DMD: variants seen among roughly 807,000 people sequenced by gnomAD.
The protein encoded by DMD is mutant dystrophin.
Under a neutral mutation model 330.1 loss-of-function variants are expected in DMD, and 63 were observed. The ratio of observed to expected loss-of-function variants is 0.19; its 90% CI spans 0.16 to 0.24. The LOEUF (loss-of-function observed/expected upper bound fraction) is 0.24. Ranked by LOEUF, DMD falls within the 10% of genes least tolerant of loss-of-function variation. The pLI, the probability that DMD is intolerant of heterozygous loss-of-function variation, is 1.00. For missense variants in DMD, 3,344 were observed against 2,684.1 expected (o/e 1.25, Z -5.43); for synonymous variants, 1,223 against 959.8 (o/e 1.27, Z -5.07).
At chrX:33,148,649 A>G (rs954499038) in intron 1 of DMD, among the ~76,000 whole-genome samples, 10 of 112,132 alleles carry the variant, frequency 8.9e-5, no homozygotes, top group African/African-American at 3.2e-4. Context: ...GGACAAAAAC[A>G]CTATGAATAA....
chrX:32,596,343 A>G (rs1175504236), intron 12 of DMD, among the ~76,000 whole-genome samples: 6 of 109,824 alleles, frequency 5.5e-5, no homozygotes, highest in Non-Finnish European at 9.5e-5. Flanking sequence ...CTGTGCCTAC[A>G]TATTTATCCT....
intron 41 of DMD, among the ~76,000 whole-genome samples, chrX:32,336,046 ATATATAACGTTATATATAACGTG>A (rs2097712643): frequency 2.7e-5 from 1 of 36,594 alleles, no homozygotes; most frequent in Admixed American, 4.3e-4. Flanking sequence ...TATAACGTGT[ATATATAACGTTATATATAACGTG>A]TGTATAACAT....
intron 55 of DMD, among the ~76,000 whole-genome samples, chrX:31,525,949 T>C (rs1315757422): frequency 8.9e-6 from 1 of 112,287 alleles, no homozygotes; most frequent in African/African-American, 3.2e-5. Flanking sequence ...TCAGTAGAAC[T>C]GTTTGCTTAC....
chrX:32,191,749 C>T (rs2147604232), intron 44 of DMD, among the ~76,000 whole-genome samples: 1 of 111,970 alleles, frequency 8.9e-6, no homozygotes, highest in Admixed American at 9.5e-5. Context: ...CTCTAGATTA[C>T]TTATAATACT....
chrX:32,866,802 C>T (rs1475900712), intron 2 of DMD, among the ~76,000 whole-genome samples: 1 of 107,081 alleles, frequency 9.3e-6, no homozygotes, highest in African/African-American at 3.4e-5. Context: ...GGTGTGGTCT[C>T]AGCTCACTGC....
intron 55 of DMD, among the ~76,000 whole-genome samples, chrX:31,531,703 G>T (rs754346444): frequency 2.8e-5 from 3 of 109,089 alleles, no homozygotes; most frequent in Admixed American, 1.0e-4. Flanking sequence ...TGTCAATTTT[G>T]GCTTTTGTTG....
intron 8 of DMD, among the ~76,000 whole-genome samples, chrX:32,698,876 A>C (rs1021378966): frequency 1.8e-5 from 2 of 111,232 alleles, no homozygotes; most frequent in Non-Finnish European, 3.8e-5. Context: ...CTATATTCCT[A>C]TGATATGGTA....
intron 33 of DMD, 101 bp from the exon 34 acceptor site, chrX:32,380,781 A>T (rs902504636): frequency 3.0e-5 from 20 of 661,126 alleles, no homozygotes; most frequent in Non-Finnish European, 4.6e-5. Flanking sequence ...ATTTAAAATA[A>T]CTATTTTCTT....
chrX:32,128,633 G>T (rs1373066143), intron 44 of DMD, among the ~76,000 whole-genome samples: 1 of 111,852 alleles, frequency 8.9e-6, no homozygotes, highest in African/African-American at 3.2e-5. Context: ...TTGAACATTA[G>T]TTCTGGAGAA....
chrX:32,140,952 C>T (rs1024027197), intron 44 of DMD, among the ~76,000 whole-genome samples: 2 of 111,078 alleles, frequency 1.8e-5, no homozygotes, highest in Admixed American at 9.6e-5. Flanking sequence ...ATTTTCACCA[C>T]CAAATTTTGC....
At chrX:32,130,398 A>G (rs1476410597) in intron 44 of DMD, among the ~76,000 whole-genome samples, 1 of 111,881 alleles carries the variant, frequency 8.9e-6, no homozygotes, top group Non-Finnish European at 1.9e-5. Flanking sequence ...TTATATATAT[A>G]TATATGTGAA....
At chrX:32,900,636 C>A (rs889238250) in intron 2 of DMD, among the ~76,000 whole-genome samples, 2 of 111,750 alleles carry the variant, frequency 1.8e-5, no homozygotes, top group Admixed American at 9.6e-5. Context: ...CAAGCCACCA[C>A]ACCCAGCCCC....
intron 2 of DMD, among the ~76,000 whole-genome samples, chrX:32,932,185 G>A (rs2146703836): frequency 8.9e-6 from 1 of 112,167 alleles, no homozygotes; most frequent in South Asian, 3.6e-4. Flanking sequence ...GAATCCATTT[G>A]AATGAGATTT....
At chrX:32,791,626 G>T (rs1180056395) in intron 7 of DMD, among the ~76,000 whole-genome samples, 1 of 111,836 alleles carries the variant, frequency 8.9e-6, no homozygotes, top group Non-Finnish European at 1.9e-5. Flanking sequence ...GAGGAGACTA[G>T]ATAAAACAGA....
At chrX:33,119,300 T>C (rs1033101161) in intron 1 of DMD, among the ~76,000 whole-genome samples, 6 of 112,539 alleles carry the variant, frequency 5.3e-5, no homozygotes, top group Non-Finnish European at 7.5e-5. Flanking sequence ...GAATTGTAAG[T>C]ATTGTCTTCT....
intron 1 of DMD, among the ~76,000 whole-genome samples, chrX:33,137,401 A>C (rs1329059890): frequency 8.9e-6 from 1 of 111,884 alleles, no homozygotes; most frequent in Non-Finnish European, 1.9e-5. Context: ...TTCAGCTTCT[A>C]GTTTCACTAG....
chrX:32,785,662 C>T lies in DMD; in HGVS notation c.649+23831G>A, dbSNP rs182326303. 1.4e-4 allele frequency among the ~76,000 whole-genome samples: 16 copies of T among 111,631 alleles called. No individual in the cohort carries two copies. The East Asian group carries it at 4.2e-3, about 29-fold the overall frequency. On this transcript the variant is annotated intron_variant, in intron 7 of 78. Transcript: ENST00000357033. Reference sequence around the variant, plus strand: ...TTTAGCAGTTTTACTTAGGTTATAACAATTTAAAAATTTCTCATCTTATAG... The same window carrying T: ...TTTAGCAGTTTTACTTAGGTTATAATAATTTAAAAATTTCTCATCTTATAG...
intron 1 of DMD, among the ~76,000 whole-genome samples, chrX:33,043,677 A>G (rs191454784): frequency 2.4e-4 from 27 of 111,866 alleles, no homozygotes; most frequent in Non-Finnish European, 4.3e-4. Context: ...TTATAAAAAC[A>G]ATCAACTCTT....
intron 1 of DMD, among the ~76,000 whole-genome samples, chrX:33,249,700 C>A: frequency 9.0e-6 from 1 of 111,492 alleles, no homozygotes; most frequent in Non-Finnish European, 1.9e-5. Context: ...TGCACTTTTG[C>A]AAACATTCCC....
Sources: gnomAD v4.1 joint callset for allele counts (sites outside exome capture counted in the v4.1 genomes callset) on GRCh38, gnomAD v4.1.1 for gene constraint, MANE v1.5 for transcripts, NCBI Gene and HGNC (gene_info 2026-07-23, HGNC 2026-07-21) for gene names.